Variants in KIF1B observed in about 807,000 individuals in gnomAD.
KIF1B encodes the protein kinesin family member 1B, also known as kinesin-like protein KIF1B.
KIF1B carries 76 observed loss-of-function variants against 241.9 expected under a neutral mutation model. The observed-to-expected ratio is 0.31, with a 90% confidence interval of 0.26 to 0.38. KIF1B has a LOEUF of 0.38. Ranked by LOEUF, KIF1B falls within the 10% of genes least tolerant of loss-of-function variation. The pLI is 1.00. For missense variants in KIF1B, 1,622 were observed against 2,271.4 expected, an observed-to-expected ratio of 0.71 and a Z score of 5.81; for synonymous variants, 750 against 796.7, an observed-to-expected ratio of 0.94 and a Z score of 0.99.
At chr1:10,276,988 G>A (rs1333656751) in intron 12 of KIF1B, among the ~76,000 whole-genome samples, 1 of 152,078 alleles carries the variant, frequency 6.6e-6, no homozygotes, top group Admixed American at 6.5e-5. Flanking sequence ...GGCTGAGGCA[G>A]GAGAATTGCT....
chr1:10,326,429 A>T lies in KIF1B; in HGVS notation c.2924+70A>T. 6.2e-7 allele frequency: 1 copy of T among 1,601,898 alleles called. No homozygotes were observed. Among genetic ancestry groups the T allele is most frequent in the South Asian group, 1.1e-5 (1 of 90,424 alleles). ...GCTCTGAAGGCCTCCCTGCTTGCAC[A>T]ATTTTGGATAACCTTGCATTAGCCA... is the stretch of plus-strand genomic sequence containing the variant. On this transcript the variant is annotated intron_variant, in intron 27 of 48. Transcript: ENST00000676179. The surrounding 1 kb of genome is among the most constrained non-coding windows in gnomAD (Gnocchi z 5.2).
At chr1:10,333,300 A>T (rs1411089133) in intron 27 of KIF1B, among the ~76,000 whole-genome samples, 1 of 151,224 alleles carries the variant, frequency 6.6e-6, no homozygotes, top group African/African-American at 2.4e-5. Flanking sequence ...AACCCGGGAG[A>T]TAGAGTTTGC....
chr1:10,257,019 C>G (rs1647829048), intron 3 of KIF1B, among the ~76,000 whole-genome samples: 1 of 150,720 alleles, frequency 6.6e-6, no homozygotes, highest in Non-Finnish European at 1.5e-5. Context: ...GCTGGAAATG[C>G]CAAATTAAAA....
At chr1:10,364,269 A>G (rs1638506016) in intron 41 of KIF1B, among the ~76,000 whole-genome samples, 1 of 136,958 alleles carries the variant, frequency 7.3e-6, no homozygotes, top group African/African-American at 2.8e-5. Flanking sequence ...TGGTGGCGCC[A>G]TCTTGGCTCA....
At chr1:10,307,789 A>G (rs1650902752) in intron 22 of KIF1B, 1 of 1,038,208 alleles carries the variant, frequency 9.6e-7, no homozygotes, top group Non-Finnish European at 1.2e-6. Context: ...ATGGGAATAT[A>G]GAGGAGTCCT....
intron 22 of KIF1B, chr1:10,305,314 A>G (rs1035430384): frequency 9.6e-7 from 1 of 1,046,674 alleles, no homozygotes; most frequent in Non-Finnish European, 1.2e-6. Flanking sequence ...ATGTATCAGA[A>G]TATGTATGAA....
chr1:10,378,178 C>G lies in KIF1B; in HGVS notation c.*1591C>G, dbSNP rs559581835. On this transcript the variant is annotated 3_prime_UTR_variant, in exon 49 of 49. Transcript: ENST00000676179. ...ATTAAAACTAACCGTGACCACTACTCCAAACAAAACACAATATGCCTAGGG... is the reference window on the plus strand; with the variant it reads ...ATTAAAACTAACCGTGACCACTACTGCAAACAAAACACAATATGCCTAGGG... 2 of 617,976 alleles carry G rather than the reference C, an allele frequency of 3.2e-6. No homozygotes were observed. The highest frequency in any genetic ancestry group is 5.8e-5 in the Admixed American group (2 of 34,744). The allele number at this position is 617,976 out of a possible 1,614,324, so 38.3% of individuals were successfully genotyped here. A position where few individuals can be genotyped will look rare whatever the true frequency, so the allele number is the denominator to read the frequency against.
chr1:10,305,085 T>C, intron 22 of KIF1B: 1 of 1,069,156 alleles, frequency 9.4e-7, no homozygotes, highest in Non-Finnish European at 1.1e-6. Context: ...ATGTTAGAAA[T>C]TGGTTTAAAA....
intron 1 of KIF1B, among the ~76,000 whole-genome samples, chr1:10,222,249 T>G (rs1175380150): frequency 6.6e-6 from 1 of 152,208 alleles, no homozygotes; most frequent in Non-Finnish European, 1.5e-5. Flanking sequence ...CCTTGAAAGA[T>G]GTGAACTTGT....
intron 36 of KIF1B, among the ~76,000 whole-genome samples, chr1:10,348,095 G>T (rs1444894461): frequency 1.3e-5 from 2 of 151,918 alleles, no homozygotes; most frequent in Non-Finnish European, 2.9e-5. Flanking sequence ...AATTTGTGTA[G>T]CTCCTATGTC....
intron 1 of KIF1B, among the ~76,000 whole-genome samples, chr1:10,213,702 T>G (rs2102081266): frequency 1.3e-5 from 2 of 152,338 alleles, no homozygotes; most frequent in South Asian, 4.1e-4. Flanking sequence ...AAAGATGGCC[T>G]CGTTTGAACA....
intron 1 of KIF1B, among the ~76,000 whole-genome samples, chr1:10,218,958 A>G (rs966818888): frequency 6.6e-6 from 1 of 152,196 alleles, no homozygotes; most frequent in Non-Finnish European, 1.5e-5. Flanking sequence ...TTTATGTAAC[A>G]AGAAAAACTA....
At chr1:10,376,095 A>G (rs556582831) in intron 48 of KIF1B, among the ~76,000 whole-genome samples, 3 of 151,956 alleles carry the variant, frequency 2.0e-5, no homozygotes, top group Admixed American at 6.6e-5. Context: ...GAGCCACCAC[A>G]TCTGGCTTGA....
At chr1:10,275,329 T>G (rs1649041848) in intron 10 of KIF1B, 99 bp from the exon 11 acceptor site, 1 of 739,214 alleles carries the variant, frequency 1.4e-6, no homozygotes, top group South Asian at 1.4e-5. Flanking sequence ...GGGGTTGTAC[T>G]GTAATTTAAT....
chr1:10,216,963 T>C (rs924411902), intron 1 of KIF1B, among the ~76,000 whole-genome samples: 4 of 41,322 alleles, frequency 9.7e-5, no homozygotes, highest in Admixed American at 4.4e-4. Context: ...TTTTCTTTTT[T>C]TTTTTTTTTT....
At chr1:10,289,220 G>A (rs542657415) in intron 15 of KIF1B, among the ~76,000 whole-genome samples, 6 of 151,756 alleles carry the variant, frequency 4.0e-5, no homozygotes, top group African/African-American at 1.5e-4. Flanking sequence ...TCATTTCTCT[G>A]TCTGGGCCTC....
intron 7 of KIF1B, 101 bp from the exon 8 acceptor site, chr1:10,271,401 T>C: frequency 1.1e-6 from 1 of 874,202 alleles, no homozygotes; most frequent in Non-Finnish European, 2.0e-6. Flanking sequence ...CTTTTAGTTT[T>C]TTCCATACCT....
intron 2 of KIF1B, among the ~76,000 whole-genome samples, chr1:10,252,890 AT>A (rs1004073406): frequency 8.6e-5 from 13 of 151,744 alleles, no homozygotes; most frequent in Non-Finnish European, 4.4e-5. Context: ...CGCTGCACTG[AT>A]TTTTTATATT....
rs573985234 is a variant in KIF1B, at chr1:10,360,386, T to G, written c.4056-543T>G. Among the ~76,000 whole-genome samples, 7 of 152,004 alleles carry G rather than the reference T, an allele frequency of 4.6e-5. No individual in the cohort carries two copies. In the South Asian group the frequency reaches 1.5e-3, roughly 32 times the overall value. ...CAGAGGCAGGCTTGTCAAAACAAAATTAAAAAAAGCACAACTGGCCAGGCA... is the reference window on the plus strand; with the variant it reads ...CAGAGGCAGGCTTGTCAAAACAAAAGTAAAAAAAGCACAACTGGCCAGGCA... On this transcript the variant is annotated intron_variant, in intron 38 of 48. Coordinates refer to ENST00000676179, the MANE Select transcript of KIF1B (RefSeq NM_001365951.3).
Sources: allele counts gnomAD v4.1 joint callset (sites outside exome capture counted in the v4.1 genomes callset), GRCh38; gene constraint gnomAD v4.1.1; non-coding constraint Gnocchi (gnomAD v3.1); transcripts MANE v1.5; gene names NCBI Gene and HGNC (gene_info 2026-07-23, HGNC 2026-07-21).